The following NCKAP5 variants were observed in gnomAD, a reference collection of about 807,000 sequenced individuals.
NCKAP5 encodes the protein nck-associated protein 5.
Under a neutral mutation model 167.0 loss-of-function variants are expected in NCKAP5, and 92 were observed. The observed-to-expected ratio is 0.55, with a 90% CI of 0.47 to 0.66. The LOEUF (loss-of-function observed/expected upper bound fraction) is 0.66. Ranked by LOEUF, NCKAP5 falls within the 30% of genes least tolerant of loss-of-function variation. The pLI is 0.00. For missense variants in NCKAP5, 2,378 were observed against 2,315.0 expected (o/e 1.03, Z -0.56); for synonymous variants, 891 against 877.4 (o/e 1.02, Z -0.27).
chr2:133,636,523 A>G, the NCKAP5 span, among the ~76,000 whole-genome samples: 1 of 152,240 alleles, frequency 6.6e-6, no homozygotes, highest in Non-Finnish European at 1.5e-5. Flanking sequence ...ACCAGCGATA[A>G]GGGCAAGGGC....
intron 3 of NCKAP5, among the ~76,000 whole-genome samples, chr2:133,317,541 T>C (rs1307453693): frequency 1.3e-5 from 2 of 152,116 alleles, no homozygotes; most frequent in Non-Finnish European, 2.9e-5. Flanking sequence ...GCTGAATTCA[T>C]GGGCACCTCC....
chr2:133,172,547 C>T (rs2149996162), intron 5 of NCKAP5, among the ~76,000 whole-genome samples: 1 of 152,350 alleles, frequency 6.6e-6, no homozygotes, highest in Middle Eastern at 3.4e-3. Flanking sequence ...TCTTAGCTCA[C>T]TGCAACCTCC....
chr2:132,755,817 C>T (rs1042057640), intron 16 of NCKAP5, among the ~76,000 whole-genome samples: 11 of 141,006 alleles, frequency 7.8e-5, no homozygotes, highest in Admixed American at 5.7e-4. Context: ...GGTGACAGAG[C>T]GAGATTCTGT....
chr2:132,678,346 T>C (rs1684770509), intron 19 of NCKAP5, among the ~76,000 whole-genome samples: 4 of 152,184 alleles, frequency 2.6e-5, no homozygotes, highest in Admixed American at 2.6e-4. Context: ...CCTTTGATTA[T>C]GTCTTAAAAA....
intron 3 of NCKAP5, among the ~76,000 whole-genome samples, chr2:133,406,578 C>CAGGA (rs555099395): frequency 3.5e-4 from 29 of 83,768 alleles, no homozygotes; most frequent in South Asian, 8.6e-4. Flanking sequence ...AAAAAACTTC[C>CAGGA]AGGAAGGAAG....
intron 11 of NCKAP5, among the ~76,000 whole-genome samples, chr2:132,843,174 T>C (rs1188403339): frequency 6.6e-6 from 1 of 152,304 alleles, no homozygotes; most frequent in African/African-American, 2.4e-5. Flanking sequence ...ATATACCTTA[T>C]TGAAGCAAAG....
chr2:133,009,345 T>C (rs1305285280), intron 6 of NCKAP5, among the ~76,000 whole-genome samples: 7 of 152,148 alleles, frequency 4.6e-5, no homozygotes, highest in Non-Finnish European at 1.0e-4. Context: ...ATATCTCAAG[T>C]TTTTTCCTAC....
At chr2:133,633,405 T>C in the NCKAP5 span, among the ~76,000 whole-genome samples, 1 of 152,178 alleles carries the variant, frequency 6.6e-6, no homozygotes, top group Admixed American at 6.5e-5. Flanking sequence ...CTGCTATTTC[T>C]AGCCTAGGGC....
At position 133,097,630 on chromosome 2, in the gene NCKAP5, A is replaced by G. The variant is rs1032904251; in HGVS notation, c.341+32348T>C. Among the ~76,000 whole-genome samples the G allele has an allele frequency of 1.4e-4, 22 of 152,310 alleles. No homozygotes were observed. In the East Asian group the frequency reaches 3.9e-3, roughly 27 times the overall value. On this transcript the variant is annotated intron_variant, in intron 6 of 19. Transcript: ENST00000409261. ...CTTGAGTATTTGGTGGATGGCTCCA[A>G]CAGTAGGGGAACAGCCTCTTAAAAC... is the stretch of plus-strand genomic sequence containing the variant.
At chr2:133,602,858 C>T in the NCKAP5 span, among the ~76,000 whole-genome samples, 1 of 152,162 alleles carries the variant, frequency 6.6e-6, no homozygotes, top group Non-Finnish European at 1.5e-5. Context: ...GAAGGAGGAA[C>T]ACAACTTTGA....
At chr2:133,523,760 G>A in intron 2 of NCKAP5, among the ~76,000 whole-genome samples, 1 of 152,082 alleles carries the variant, frequency 6.6e-6, no homozygotes, top group East Asian at 1.9e-4. Flanking sequence ...ATTCCCTGCA[G>A]CATCCAACGC....
chr2:133,227,061 A>C (rs1304678803), intron 4 of NCKAP5, among the ~76,000 whole-genome samples: 2 of 152,238 alleles, frequency 1.3e-5, no homozygotes, highest in African/African-American at 4.8e-5. Context: ...GGAAACCTTC[A>C]TAGAGGAAAT....
intron 19 of NCKAP5, among the ~76,000 whole-genome samples, chr2:132,683,058 A>G (rs890774135): frequency 6.6e-6 from 1 of 151,530 alleles, no homozygotes; most frequent in African/African-American, 2.4e-5. Flanking sequence ...TAATTTTTGT[A>G]TTTTTAGTAG....
intron 3 of NCKAP5, among the ~76,000 whole-genome samples, chr2:133,459,978 C>T (rs545033411): frequency 9.9e-5 from 15 of 152,182 alleles, no homozygotes; most frequent in South Asian, 2.1e-4. Flanking sequence ...CAAAGACTTA[C>T]GTGCAAAAAG....
chr2:133,443,011 G>T (rs1317920985), intron 3 of NCKAP5, among the ~76,000 whole-genome samples: 3 of 152,200 alleles, frequency 2.0e-5, no homozygotes, highest in Non-Finnish European at 4.4e-5. Context: ...GATATGAATT[G>T]CATAGTCCAC....
At chr2:133,010,095 A>T (rs9646692) in intron 6 of NCKAP5, among the ~76,000 whole-genome samples, 29,873 of 149,344 alleles carry the variant, frequency 0.2, 3,300 homozygotes, top group South Asian at 0.38. Context: ...AATAAATAAA[A>T]AAAACAAACA....
At chr2:133,496,971 AG>A (rs935432655) in intron 3 of NCKAP5, among the ~76,000 whole-genome samples, 2 of 152,266 alleles carry the variant, frequency 1.3e-5, no homozygotes, top group African/African-American at 4.8e-5. Context: ...AAAGCAACAC[AG>A]ATGATATTTC....
At chr2:132,789,492 T>C (rs984619350) in intron 13 of NCKAP5, among the ~76,000 whole-genome samples, 5 of 152,232 alleles carry the variant, frequency 3.3e-5, no homozygotes, top group African/African-American at 1.2e-4. Context: ...TCTTGGTTTC[T>C]ACACTGCTAA....
intron 6 of NCKAP5, among the ~76,000 whole-genome samples, chr2:133,013,323 T>C (rs1185271231): frequency 6.6e-6 from 1 of 152,144 alleles, no homozygotes; most frequent in Non-Finnish European, 1.5e-5. Context: ...AGTGTATTAG[T>C]CCGTTTTCAC....
Sources: allele counts gnomAD v4.1 joint callset (sites outside exome capture counted in the v4.1 genomes callset), GRCh38; gene constraint gnomAD v4.1.1; transcripts MANE v1.5; gene names NCBI Gene and HGNC (gene_info 2026-07-23, HGNC 2026-07-21).